The following SMIM27 variants were observed in gnomAD, a reference collection of about 807,000 sequenced individuals.
The protein encoded by SMIM27 is transition zone microprotein 1, also known as TOPORS antisense RNA 1 (non-protein coding).
SMIM27 carries 3 observed loss-of-function variants against 1.8 expected under a neutral mutation model. That is an observed-to-expected ratio of 1.65 (90% CI 0.75 to 4.28). The LOEUF (loss-of-function observed/expected upper bound fraction) is 4.28. Ranked by LOEUF, SMIM27 falls within the 30% of genes most tolerant of loss-of-function variation. The probability of loss-of-function intolerance (pLI) is 0.02; values close to 1 mark genes in which losing one functional copy is unlikely to be tolerated. For missense variants in SMIM27, 63 were observed against 37.0 expected, an observed-to-expected ratio of 1.70 and a Z score of -1.83; for synonymous variants, 19 against 13.9, an observed-to-expected ratio of 1.37 and a Z score of -0.82.
chr9:32,553,260 C>T (rs1384825626), downstream of SMIM27: 1 of 197,090 alleles, frequency 5.1e-6, no homozygotes, highest in African/African-American at 2.4e-5. Flanking sequence ...ACTATCTCGG[C>T]TTACTGCAAG....
intron 1 of SMIM27, chr9:32,558,874 A>G: frequency 7.1e-7 from 1 of 1,398,720 alleles, no homozygotes; most frequent in Non-Finnish European, 9.9e-7. Context: ...GAGAAAAACA[A>G]TAAACAAAAG....
chr9:32,560,310 C>G (rs1821589848), intron 1 of SMIM27, among the ~76,000 whole-genome samples: 1 of 152,220 alleles, frequency 6.6e-6, no homozygotes. Context: ...TGTGAACCCT[C>G]AGATAAGCAA....
chr9:32,552,900 T>G lies in SMIM27; in HGVS notation c.145T>G (p.Phe49Val). ...QLRKKYPDKI[F>V]GTNENL ...AAGGAAGAAATACCCAGACAAAATC[T>G]TTGGGACGAATGAAAATTTGTAACT... The change falls in exon 2 of 2, where the codon TTT (phenylalanine) becomes GTT (valine). Residue 49 changes from phenylalanine to valine, a missense_variant. Transcript: ENST00000692500. 1.4e-6 allele frequency: 1 copy of G among 702,368 alleles called. No homozygotes were observed. The allele number at this position is 702,368 out of a possible 1,614,324, so 43.5% of individuals were successfully genotyped here. A position where few individuals can be genotyped will look rare whatever the true frequency, so the allele number is the denominator to read the frequency against.
chr9:32,555,091 T>A (rs1821420138), downstream of SMIM27, among the ~76,000 whole-genome samples: 1 of 143,780 alleles, frequency 7.0e-6, no homozygotes, highest in African/African-American at 2.5e-5. Flanking sequence ...TTTCTGTTCC[T>A]GACCAAAAAA....
rs183555693 is a variant in SMIM27 at position 32,562,594 on chromosome 9, G to A, written c.46-3797G>A. 3.5e-3 allele frequency among the ~76,000 whole-genome samples: 539 copies of A among 152,290 alleles called. 1 individual carries two copies. Among genetic ancestry groups the A allele is most frequent in the Middle Eastern group, 6.8e-3 (2 of 294 alleles). ...TAAACTTACATAAAGCTGCAAGAAT[G>A]AAAATAATTTTTTCCTTGAATCACT... On this transcript the variant is annotated intron_variant, in intron 1 of 1. Transcript: ENST00000451672.
intron 1 of SMIM27, among the ~76,000 whole-genome samples, chr9:32,563,978 C>T (rs997162328): frequency 1.3e-5 from 2 of 152,172 alleles, no homozygotes; most frequent in East Asian, 1.9e-4. Context: ...TCTCTCCTCC[C>T]GCCCTAGAAT....
chr9:32,559,199 A>T (rs1168060245), intron 1 of SMIM27, among the ~76,000 whole-genome samples: 3 of 152,092 alleles, frequency 2.0e-5, no homozygotes, highest in Admixed American at 6.6e-5. Flanking sequence ...ATCTCAGTAA[A>T]TGACACTCTT....
Position 32,552,833 on chromosome 9 carries a change from C to A in SMIM27, c.78C>A (p.Gly26=), listed in dbSNP as rs1240957367. 1.4e-6 allele frequency: 1 copy of A among 702,590 alleles called. No homozygotes were observed. Among genetic ancestry groups the A allele is most frequent in the African/African-American group, 1.7e-5 (1 of 57,230 alleles). The allele number at this position is 702,590 out of a possible 1,614,324, so 43.5% of individuals were successfully genotyped here. The stretch of plus-strand genomic sequence containing the variant: ...TTGCCATCGTTTTAATCTCCTGGGG[C>A]TGCATCATCTATGCTTCGATGGTGT... ...LLLAIVLISW[G]CIIYASMVSA... is the part of the protein sequence containing the mutation. The change falls in exon 2 of 2, where the codon GGC becomes GGA. Residue 26 remains glycine, a synonymous_variant. Coordinates refer to ENST00000692500, the MANE Select transcript of SMIM27 (RefSeq NM_001387564.1).
In SMIM27 at chr9:32,552,468, A is replaced by T; in HGVS notation, c.34A>T (p.Ile12Phe). 6.3e-7 allele frequency: 1 copy of T among 1,599,630 alleles called. No homozygotes were observed. The highest frequency in any genetic ancestry group is 1.1e-5 in the South Asian group (1 of 88,888). The change falls in exon 1 of 2, where the codon ATT becomes TTT. Residue 12 changes from isoleucine to phenylalanine, a missense_variant. Transcript: ENST00000692500. ...AGTAAGTCGTCGCACGCTGGACTGG[A>T]TTTATTCAGTGGTAAGTCCCGGGGA... ...KPVSRRTLDW[I>F]YSVLLLAIVL...
At chr9:32,556,310 T>C (rs1236797097), downstream of SMIM27, among the ~76,000 whole-genome samples, 1 of 152,226 alleles carries the variant, frequency 6.6e-6, no homozygotes, top group East Asian at 1.9e-4. Context: ...TGAGCAGAAG[T>C]GATGTAAGCT....
At chr9:32,557,225 C>G (rs1217286014), downstream of SMIM27, among the ~76,000 whole-genome samples, 1 of 148,220 alleles carries the variant, frequency 6.7e-6, no homozygotes, top group African/African-American at 2.5e-5. Context: ...AGTGCAGTGG[C>G]GCAAACTCCG....
chr9:32,566,276 G>T, intron 1 of SMIM27: 1 of 1,145,408 alleles, frequency 8.7e-7, no homozygotes, highest in Non-Finnish European at 1.3e-6. Flanking sequence ...GGTTCTCTGA[G>T]GTAGAAAGCA....
At chr9:32,556,050 C>T (rs1821446245), downstream of SMIM27, among the ~76,000 whole-genome samples, 1 of 151,828 alleles carries the variant, frequency 6.6e-6, no homozygotes, top group Non-Finnish European at 1.5e-5. Context: ...ATAAACCTGA[C>T]ATACTATTTT....
At position 32,552,815 on chromosome 9, in the gene SMIM27, C is replaced by A; in HGVS notation, c.60C>A (p.Ile20=). Residue 20 remains isoleucine, a synonymous_variant, in exon 2 of 2, where the codon ATC becomes ATA. Coordinates refer to ENST00000692500, the MANE Select transcript of SMIM27 (RefSeq NM_001387564.1). ...TTTTGGTTTAGTTGCTGCTTGCCAT[C>A]GTTTTAATCTCCTGGGGCTGCATCA... ...DWIYSVLLLA[I]VLISWGCIIY... 1 of 701,932 alleles carries A rather than the reference C, an allele frequency of 1.4e-6. No homozygotes were observed. Among genetic ancestry groups the A allele is most frequent in the Non-Finnish European group, 2.6e-6 (1 of 384,610 alleles). 43.5% of individuals were successfully genotyped at this position (701,932 alleles called of 1,614,324 possible).
At chr9:32,559,466 C>G (rs1007318663) in intron 1 of SMIM27, among the ~76,000 whole-genome samples, 3 of 152,176 alleles carry the variant, frequency 2.0e-5, no homozygotes, top group Non-Finnish European at 4.4e-5. Flanking sequence ...TCACTCTGCT[C>G]AAAGTTTCAT....
downstream of SMIM27, chr9:32,553,987 A>G: frequency 1.6e-6 from 2 of 1,270,136 alleles, no homozygotes; most frequent in Non-Finnish European, 2.3e-6. Context: ...TCTTAAGTCT[A>G]CAGAGGTGAT....
chr9:32,551,605 A>G, upstream of SMIM27: 2 of 254,468 alleles, frequency 7.9e-6, no homozygotes, highest in South Asian at 7.8e-5. Context: ...CGAGGTATAA[A>G]GAACGTCTAG....
At chr9:32,552,507 C>T in intron 1 of SMIM27, 28 bp downstream of exon 1, 1 of 1,568,680 alleles carries the variant, frequency 6.4e-7, no homozygotes, top group Non-Finnish European at 8.7e-7. Context: ...CGGGCCCCCA[C>T]CGTGTCGACT....
downstream of SMIM27, among the ~76,000 whole-genome samples, chr9:32,554,541 G>C (rs770041234): frequency 1.7e-4 from 26 of 152,326 alleles, no homozygotes; most frequent in Admixed American, 1.3e-3. Flanking sequence ...TTTCAGCCAT[G>C]TGTTTAAGAT....
Sources: allele counts gnomAD v4.1 joint callset (sites outside exome capture counted in the v4.1 genomes callset), GRCh38; gene constraint gnomAD v4.1.1; transcripts MANE v1.5; gene names NCBI Gene and HGNC (gene_info 2026-07-23, HGNC 2026-07-21).